The following TRDN variants were observed in gnomAD, a reference collection of about 807,000 sequenced individuals.
TRDN encodes triadin in skeletal muscle.
TRDN carries 161 observed loss-of-function variants against 149.7 expected under a neutral mutation model. The observed-to-expected ratio is 1.08, with a 90% CI of 0.95 to 1.23. The LOEUF is 1.23. TRDN is among the 50% of genes most tolerant of loss of function. The probability of loss-of-function intolerance (pLI) is 0.00; values close to 1 mark genes in which losing one functional copy is unlikely to be tolerated. For missense variants in TRDN, 896 were observed against 823.5 expected (o/e 1.09, Z -1.08); for synonymous variants, 294 against 250.5 (o/e 1.17, Z -1.64).
At chr6:123,336,620 C>T (rs1322377133) in intron 22 of TRDN, among the ~76,000 whole-genome samples, 1 of 151,776 alleles carries the variant, frequency 6.6e-6, no homozygotes, top group Non-Finnish European at 1.5e-5. Flanking sequence ...AATACTGTAA[C>T]TTCTCAGAGA....
In TRDN at chr6:123,218,698, T is replaced by C. The variant is rs377368177; in HGVS notation, c.2093A>G (p.Asn698Ser). The C allele has an allele frequency of 1.3e-5, 20 of 1,596,746 alleles. No homozygotes were observed. The African/African-American group carries it at 2.1e-4, about 17-fold the overall frequency. ...FFQCVYLDGY[N>S]GYGFQFPFTP... ...GAAAGGAAACTGAAATCCATAGCCA[T>C]TGTACCCATCCAAGTAGACACACTG... The change falls in exon 41 of 41, where the codon AAT (asparagine) becomes AGT (serine). Residue 698 changes from asparagine to serine, a missense_variant. Physicochemically the swap from Asn to Ser is conservative, Grantham distance 46 (BLOSUM62 1). Coordinates refer to ENST00000334268, the MANE Select transcript of TRDN (RefSeq NM_006073.4).
chr6:123,568,317 C>T (rs1314464923), intron 2 of TRDN, among the ~76,000 whole-genome samples: 2 of 152,160 alleles, frequency 1.3e-5, no homozygotes, highest in Non-Finnish European at 2.9e-5. Flanking sequence ...TTTCTAGGTG[C>T]AGGGTGGAAG....
At position 123,319,299 on chromosome 6, in the gene TRDN, G is replaced by T. The variant is rs146823301; in HGVS notation, c.1472-2804C>A. ...ATTGATATGTGAGAAAGTGGCAACG[G>T]ATTTTCTAAGTTGAGCAGCTCTTTT... is the stretch of plus-strand genomic sequence containing the variant. On this transcript the variant is annotated intron_variant, in intron 23 of 40. Transcript: ENST00000334268. Among the ~76,000 whole-genome samples, 68 of 151,914 alleles carry T rather than the reference G, an allele frequency of 4.5e-4. No individual in the cohort carries two copies. The East Asian group carries it at 0.012, about 27-fold the overall frequency.
At chr6:123,576,078 G>T (rs1472887783) in intron 1 of TRDN, among the ~76,000 whole-genome samples, 1 of 152,034 alleles carries the variant, frequency 6.6e-6, no homozygotes, top group African/African-American at 2.4e-5. Flanking sequence ...GAGAAAGGAA[G>T]TATATACTAC....
intron 24 of TRDN, among the ~76,000 whole-genome samples, chr6:123,301,770 C>CATATATATATATACATATATAT (rs1778428268): frequency 1.7e-5 from 1 of 57,832 alleles, no homozygotes; most frequent in Non-Finnish European, 4.8e-5. Context: ...TATATATATA[C>CATATATATATATACATATATAT]ATATATATAT....
In TRDN at chr6:123,349,612, T is replaced by A. The variant is rs976239394; in HGVS notation, c.1369+2927A>T. 1.6e-5 allele frequency: 14 copies of A among 901,294 alleles called. No homozygotes were observed. The African/African-American group carries it at 2.5e-4, about 16-fold the overall frequency. The allele number at this position is 901,294 out of a possible 1,614,324, so 55.8% of individuals were successfully genotyped here. On this transcript the variant is annotated intron_variant, in intron 21 of 40. Coordinates refer to ENST00000334268, the MANE Select transcript of TRDN (RefSeq NM_006073.4). ...TGTTAACTAAATCTTCTGTTTTACT[T>A]CATTGATTTTAAATGTAAAATTGTT...
intron 38 of TRDN, among the ~76,000 whole-genome samples, chr6:123,231,552 A>T (rs147164324): frequency 6.6e-6 from 1 of 152,114 alleles, no homozygotes; most frequent in Non-Finnish European, 1.5e-5. Context: ...ACACACAAAA[A>T]ATTTTAATGT....
intron 2 of TRDN, among the ~76,000 whole-genome samples, chr6:123,565,602 G>A (rs1470217768): frequency 6.6e-6 from 1 of 152,168 alleles, no homozygotes; most frequent in East Asian, 1.9e-4. Context: ...ATTTTTGCAA[G>A]TTTTGGAAGG....
At chr6:123,253,451 C>T (rs1776449154) in intron 37 of TRDN, among the ~76,000 whole-genome samples, 2 of 152,128 alleles carry the variant, frequency 1.3e-5, no homozygotes, top group South Asian at 2.1e-4. Flanking sequence ...AGCTTGGATA[C>T]ATGTTTTCAG....
At chr6:123,562,004 G>C (rs907270527) in intron 2 of TRDN, among the ~76,000 whole-genome samples, 1 of 152,070 alleles carries the variant, frequency 6.6e-6, no homozygotes, top group Non-Finnish European at 1.5e-5. Context: ...CATCCAGATA[G>C]CCAGTTCCTG....
At chr6:123,222,020 CTATT>C (rs1279549362) in intron 39 of TRDN, among the ~76,000 whole-genome samples, 2 of 151,724 alleles carry the variant, frequency 1.3e-5, no homozygotes, top group East Asian at 1.9e-4. Context: ...GATTCACTGA[CTATT>C]TATTTATTTT....
intron 1 of TRDN, among the ~76,000 whole-genome samples, chr6:123,600,932 AATT>A (rs1007057625): frequency 9.2e-5 from 14 of 152,136 alleles, no homozygotes; most frequent in African/African-American, 2.4e-4. Context: ...AAAACAAAAA[AATT>A]ATTATTTATA....
chr6:123,361,595 C>G (rs1460550568), intron 20 of TRDN, among the ~76,000 whole-genome samples: 1 of 151,970 alleles, frequency 6.6e-6, no homozygotes, highest in Non-Finnish European at 1.5e-5. Flanking sequence ...TATTCCCAGC[C>G]AACTATCTTC....
intron 14 of TRDN, among the ~76,000 whole-genome samples, chr6:123,384,638 A>C (rs1781840682): frequency 6.6e-6 from 1 of 152,220 alleles, no homozygotes; most frequent in South Asian, 2.1e-4. Flanking sequence ...TCCTAATAAT[A>C]AGAATCAATA....
chr6:123,551,815 G>C, intron 2 of TRDN, among the ~76,000 whole-genome samples: 1 of 152,144 alleles, frequency 6.6e-6, no homozygotes, highest in African/African-American at 2.4e-5. Flanking sequence ...TAACTATTGT[G>C]CTATATGCTG....
intron 1 of TRDN, among the ~76,000 whole-genome samples, chr6:123,597,289 T>A (rs1784081286): frequency 2.0e-5 from 3 of 152,058 alleles, no homozygotes; most frequent in African/African-American, 4.8e-5. Flanking sequence ...AAGATGGAAC[T>A]GAACTGCCGC....
intron 2 of TRDN, among the ~76,000 whole-genome samples, chr6:123,563,423 A>G (rs1782105232): frequency 6.6e-6 from 1 of 152,200 alleles, no homozygotes. Context: ...ATCATATTGT[A>G]CTTTTATTAA....
At chr6:123,544,246 TAC>T (rs71021453) in intron 4 of TRDN, among the ~76,000 whole-genome samples, 25,762 of 143,686 alleles carry the variant, frequency 0.18, 2,346 homozygotes, top group Admixed American at 0.24. Context: ...CATCTGTACA[TAC>T]ACACACACAC....
intron 7 of TRDN, among the ~76,000 whole-genome samples, chr6:123,510,754 C>T (rs1451890992): frequency 2.0e-5 from 3 of 151,848 alleles, no homozygotes; most frequent in African/African-American, 7.3e-5. Flanking sequence ...AGGTATTCTC[C>T]TGTCTCAGCC....
Sources: gnomAD v4.1 joint callset for allele counts (sites outside exome capture counted in the v4.1 genomes callset) on GRCh38, gnomAD v4.1.1 for gene constraint, MANE v1.5 for transcripts, NCBI Gene and HGNC (gene_info 2026-07-23, HGNC 2026-07-21) for gene names.